BSN: variants seen among roughly 807,000 people sequenced by gnomAD.
BSN encodes bassoon presynaptic cytomatrix protein.
BSN carries 57 observed loss-of-function variants against 264.8 expected under a neutral mutation model. That is an observed-to-expected ratio of 0.22 (90% CI 0.17 to 0.27). BSN has a LOEUF of 0.27. Ranked by LOEUF, BSN falls within the 10% of genes least tolerant of loss-of-function variation. The pLI is 1.00. For missense variants in BSN, 4,615 were observed against 5,232.5 expected (o/e 0.88, Z 3.64); for synonymous variants, 2,059 against 2,137.3 (o/e 0.96, Z 1.01).
At chr3:49,558,330 C>T (rs1300548151) in intron 1 of BSN, among the ~76,000 whole-genome samples, 2 of 152,250 alleles carry the variant, frequency 1.3e-5, no homozygotes, top group Non-Finnish European at 2.9e-5. Flanking sequence ...AGAGGCCCTT[C>T]TCCATCATTG....
chr3:49,667,391 C>T (rs1370474577), intron 11 of BSN, among the ~76,000 whole-genome samples, 199 bp from the exon 12 acceptor site: 1 of 152,008 alleles, frequency 6.6e-6, no homozygotes, highest in African/African-American at 2.4e-5. Context: ...TTCTTGCTGT[C>T]CTCTCTGTGA....
At chr3:49,614,503 C>G (rs2052243254) in intron 1 of BSN, among the ~76,000 whole-genome samples, 1 of 152,186 alleles carries the variant, frequency 6.6e-6, no homozygotes, top group Admixed American at 6.5e-5. Context: ...GTAAACGCCA[C>G]ATGAACCACT....
At chr3:49,565,986 C>G (rs1463374453) in intron 1 of BSN, among the ~76,000 whole-genome samples, 1 of 152,200 alleles carries the variant, frequency 6.6e-6, no homozygotes, top group South Asian at 2.1e-4. Context: ...CCATTCCTGA[C>G]TAATTTTTGT....
chr3:49,654,012 T>C lies in BSN; in HGVS notation c.4456T>C (p.Ser1486Pro). 1 of 1,613,704 alleles carries C rather than the reference T, an allele frequency of 6.2e-7. No homozygotes were observed. Among genetic ancestry groups the C allele is most frequent in the Non-Finnish European group, 8.5e-7 (1 of 1,179,918 alleles). ...CCCACCTCTCTCCCCGTCTTCCCCC[T>C]CAGAGAGTCCCACATTCTCCCCTGG... The part of the protein sequence containing the change: ...SSPPLSPSSP[S>P]ESPTFSPGKM... Residue 1486 changes from serine (S) to proline (P), a missense_variant, in exon 5 of 12, where the codon TCA (serine) becomes CCA (proline). This residue lies in a region of BSN where 3,415 missense variants were observed against 3,866.4 expected (regional missense o/e 0.88). Coordinates refer to ENST00000296452, the MANE Select transcript of BSN (RefSeq NM_003458.4). This position sits in a 1 kb window ranked among gnomAD's most constrained non-coding sequence, Gnocchi z 4.1.
chr3:49,649,330 C>T (rs1417695232), intron 3 of BSN, among the ~76,000 whole-genome samples: 2 of 152,238 alleles, frequency 1.3e-5, no homozygotes, highest in Admixed American at 6.5e-5. Flanking sequence ...TGGTGGGAGC[C>T]TGTATGTCCA....
intron 1 of BSN, among the ~76,000 whole-genome samples, chr3:49,608,359 C>T (rs76202563): frequency 0.012 from 1,758 of 152,236 alleles, 38 homozygotes; most frequent in African/African-American, 0.039. Flanking sequence ...ACCATGGACA[C>T]GGTAATGTCA....
At chr3:49,557,237 C>T (rs1017894674) in intron 1 of BSN, among the ~76,000 whole-genome samples, 2 of 152,160 alleles carry the variant, frequency 1.3e-5, no homozygotes, top group African/African-American at 4.8e-5. Context: ...ATAATCTGTG[C>T]CTTTTCCAAG....
At chr3:49,575,658 GTATA>G (rs10538409) in intron 1 of BSN, among the ~76,000 whole-genome samples, 30,686 of 141,368 alleles carry the variant, frequency 0.22, 4,616 homozygotes, top group East Asian at 0.77. Context: ...GTGTGTGTGT[GTATA>G]TATATATATA....
At chr3:49,599,841 A>C (rs973406034) in intron 1 of BSN, among the ~76,000 whole-genome samples, 8 of 152,142 alleles carry the variant, frequency 5.3e-5, no homozygotes, top group African/African-American at 1.9e-4. Flanking sequence ...TATTTACTCC[A>C]TGCACAGCCC....
intron 3 of BSN, 88 bp from the exon 4 acceptor site, chr3:49,650,524 A>G: frequency 1.6e-6 from 2 of 1,282,138 alleles, no homozygotes; most frequent in East Asian, 2.3e-5. Flanking sequence ...TCTCCTCCCT[A>G]AGGTTACAGA....
In BSN at chr3:49,663,578, C is replaced by T. The variant is rs768151919; in HGVS notation, c.11420C>T (p.Thr3807Ile). The change falls in exon 7 of 12, where the codon ACC becomes ATC. Residue 3807 changes from threonine (T) to isoleucine (I), a missense_variant. Coordinates refer to ENST00000296452, the MANE Select transcript of BSN (RefSeq NM_003458.4). ...ARLQQQSQPT[T>I]RGSAPAASQP... ...CTGCAGCAACAGAGCCAGCCAACCA[C>T]CCGGGGCTCAGCCCCTGCTGCCAGC... 6 of 1,606,562 alleles carry T rather than the reference C, an allele frequency of 3.7e-6. No homozygotes were observed. The Admixed American group carries it at 6.8e-5, about 18-fold the overall frequency.
intron 9 of BSN, 104 bp from the exon 10 acceptor site, chr3:49,664,695 T>G (rs1355165833): frequency 2.2e-5 from 35 of 1,556,966 alleles, no homozygotes; most frequent in Non-Finnish European, 3.0e-5. Context: ...CTCCGGGCAA[T>G]CTCTGCCCCT....
At chr3:49,588,956 C>G (rs2051955964) in intron 1 of BSN, among the ~76,000 whole-genome samples, 1 of 150,852 alleles carries the variant, frequency 6.6e-6, no homozygotes, top group South Asian at 2.1e-4. Context: ...GCTCTGTCGC[C>G]CAGGCTGGAG....
Position 49,625,318 on chromosome 3 carries a change from T to C in BSN, c.568T>C (p.Cys190Arg). 2 of 1,587,260 alleles carry C rather than the reference T, an allele frequency of 1.3e-6. No homozygotes were observed. Among genetic ancestry groups the C allele is most frequent in the Non-Finnish European group, 1.7e-6 (2 of 1,167,426 alleles). ...CCCCAGCCAGCCAAACTTCAACACC[T>C]GCACCCAGTGTCACAACAAGGTCTG... Reference protein sequence around the residue: ...STPSQPNFNTCTQCHNKVCNQ... With the variant: ...STPSQPNFNTRTQCHNKVCNQ... Residue 190 changes from cysteine to arginine, a missense_variant, in exon 2 of 12, where the codon TGC (cysteine) becomes CGC (arginine). Transcript: ENST00000296452. This position sits in a 1 kb window ranked among gnomAD's most constrained non-coding sequence, Gnocchi z 4.4.
chr3:49,591,088 AAAG>A (rs1412559616), intron 1 of BSN, among the ~76,000 whole-genome samples: 4 of 152,226 alleles, frequency 2.6e-5, no homozygotes, highest in South Asian at 2.1e-4. Flanking sequence ...AAAAAGAAAA[AAAG>A]AAGCTGAGAG....
At position 49,555,246 on chromosome 3, in the gene BSN, GC is replaced by G. The variant is rs540463637; in HGVS notation, c.224+421del. On this transcript the variant is annotated intron_variant, in intron 1 of 11. Coordinates refer to ENST00000296452, the MANE Select transcript of BSN (RefSeq NM_003458.4). ...CCGAGAAAACAGCACAATGGGAGTG[GC>G]TGTCAGGGAAGATAAGTGTCACTGC... is the stretch of plus-strand genomic sequence containing the variant. 3.7e-3 allele frequency among the ~76,000 whole-genome samples: 571 copies of G among 152,336 alleles called. 4 individuals carry two copies. Among genetic ancestry groups the G allele is most frequent in the African/African-American group, 0.013 (546 of 41,566 alleles).
intron 3 of BSN, among the ~76,000 whole-genome samples, chr3:49,650,370 A>G (rs1394699557): frequency 6.6e-6 from 1 of 152,150 alleles, no homozygotes; most frequent in African/African-American, 2.4e-5. Flanking sequence ...CTGTGGGTTA[A>G]GGAAAGTACT....
Position 49,625,478 on chromosome 3 carries a change from G to A in BSN, c.633+95G>A, listed in dbSNP as rs980690568. 4.8e-6 allele frequency: 6 copies of A among 1,244,800 alleles called. No individual in the cohort carries two copies. Among genetic ancestry groups the A allele is most frequent in the Non-Finnish European group, 6.3e-6 (6 of 952,396 alleles). The allele number at this position is 1,244,800 out of a possible 1,614,324, so 77.1% of individuals were successfully genotyped here. On this transcript the variant is annotated intron_variant, in intron 2 of 11. Transcript: ENST00000296452. The surrounding 1 kb of genome is among the most constrained non-coding windows in gnomAD (Gnocchi z 4.4). ...CCTCTTTCACCAACTCTCTTTTCCT[G>A]GTCATTTCCCTTGACCACCAGCATT...
Position 49,661,840 on chromosome 3 carries a change from A to G in BSN, c.9995A>G (p.Glu3332Gly), listed in dbSNP as rs2052659567. The G allele has an allele frequency of 6.2e-7, 1 of 1,613,424 alleles. No individual in the cohort carries two copies. The highest frequency in any genetic ancestry group is 1.1e-5 in the South Asian group (1 of 91,092). ...DSDYRHGARV[E>G]KYGPGPMGPK... ...GACTACAGGCATGGGGCTCGAGTAG[A>G]GAAGTATGGTCCAGGGCCCATGGGG... Residue 3332 changes from glutamate (E) to glycine (G), a missense_variant, in exon 6 of 12, where the codon GAG becomes GGG. Physicochemically the swap from Glu to Gly is moderately conservative, Grantham distance 98 (BLOSUM62 -2). Coordinates refer to ENST00000296452, the MANE Select transcript of BSN (RefSeq NM_003458.4).
Sources: allele counts gnomAD v4.1 joint callset (sites outside exome capture counted in the v4.1 genomes callset), GRCh38; gene constraint gnomAD v4.1.1; regional missense constraint gnomAD v4.1.1; non-coding constraint Gnocchi (gnomAD v3.1); transcripts MANE v1.5; gene names NCBI Gene and HGNC (gene_info 2026-07-23, HGNC 2026-07-21).